The following NFIL3 variants were observed in gnomAD, a reference collection of about 807,000 sequenced individuals.
NFIL3 encodes nuclear factor interleukin-3-regulated protein.
A neutral mutation model predicts 10.0 loss-of-function variants in NFIL3; 5 were observed. The observed-to-expected ratio is 0.50, with a 90% CI of 0.26 to 1.06. The LOEUF is 1.06. Ranked by LOEUF, NFIL3 falls within the 50% of genes least tolerant of loss-of-function variation. NFIL3 has a pLI of 0.13. For missense variants in NFIL3, 436 were observed against 547.6 expected (o/e 0.80, Z 2.03); for synonymous variants, 202 against 206.5 (o/e 0.98, Z 0.19).
chr9:91,433,863 A>G, the NFIL3 span, among the ~76,000 whole-genome samples: 1 of 152,018 alleles, frequency 6.6e-6, no homozygotes, highest in Non-Finnish European at 1.5e-5. Flanking sequence ...TATTTAAAAT[A>G]TACTTGGGAA....
the NFIL3 span, among the ~76,000 whole-genome samples, chr9:91,466,134 T>G: frequency 1.8e-4 from 28 of 152,264 alleles, no homozygotes; most frequent in East Asian, 4.2e-3. Flanking sequence ...AAAGGGAAAT[T>G]GAACCACTAA....
chr9:91,448,557 C>T, the NFIL3 span, among the ~76,000 whole-genome samples: 1 of 152,154 alleles, frequency 6.6e-6, no homozygotes, highest in Non-Finnish European at 1.5e-5. Flanking sequence ...CACTAGGCCC[C>T]ACCTCCCAAC....
chr9:91,414,717 T>C (rs898145180), intron 1 of NFIL3, among the ~76,000 whole-genome samples: 2 of 152,260 alleles, frequency 1.3e-5, no homozygotes, highest in East Asian at 1.9e-4. Flanking sequence ...TAATATTATC[T>C]ATCAAATAAT....
At chr9:91,428,016 C>A (rs184105111), upstream of NFIL3, among the ~76,000 whole-genome samples, 1 of 152,214 alleles carries the variant, frequency 6.6e-6, no homozygotes, top group East Asian at 1.9e-4. Flanking sequence ...CTCCTCCCCA[C>A]GCCCATCAGT....
At chr9:91,451,402 T>G in the NFIL3 span, among the ~76,000 whole-genome samples, 1 of 152,244 alleles carries the variant, frequency 6.6e-6, no homozygotes, top group East Asian at 1.9e-4. Context: ...TCCATGTGTT[T>G]TGATTCTTAT....
chr9:91,423,579 C>G (rs563294984), intron 1 of NFIL3, 61 bp downstream of exon 1: 8 of 148,200 alleles, frequency 5.4e-5, no homozygotes, highest in Non-Finnish European at 1.1e-4. Context: ...CGCCCGCCCG[C>G]CCGCAGCGCG....
chr9:91,441,036 A>T, the NFIL3 span, among the ~76,000 whole-genome samples: 1 of 152,122 alleles, frequency 6.6e-6, no homozygotes, highest in Admixed American at 6.5e-5. Context: ...CTAAAGTGAA[A>T]TTCAAGTCCA....
At chr9:91,419,653 A>G (rs989310841) in intron 1 of NFIL3, among the ~76,000 whole-genome samples, 4 of 152,210 alleles carry the variant, frequency 2.6e-5, no homozygotes, top group African/African-American at 9.6e-5. Context: ...CATCTATGAA[A>G]TGTGGATGAT....
upstream of NFIL3, chr9:91,426,472 G>A (rs533666362): frequency 5.9e-5 from 9 of 152,134 alleles, no homozygotes; most frequent in African/African-American, 2.2e-4. Context: ...ACCAGGGTGG[G>A]GAGGCTTCTA....
At chr9:91,414,541 G>A (rs929548655) in intron 1 of NFIL3, among the ~76,000 whole-genome samples, 5 of 152,234 alleles carry the variant, frequency 3.3e-5, no homozygotes, top group Non-Finnish European at 7.3e-5. Flanking sequence ...TTACAGGCGT[G>A]AGCCACCTCG....
chr9:91,444,528 G>A, the NFIL3 span, among the ~76,000 whole-genome samples: 4 of 151,974 alleles, frequency 2.6e-5, no homozygotes, highest in Admixed American at 6.6e-5. Flanking sequence ...CTGCATTGAC[G>A]TTTGTGCATC....
the NFIL3 span, among the ~76,000 whole-genome samples, chr9:91,457,154 T>G: frequency 6.6e-6 from 1 of 152,074 alleles, no homozygotes; most frequent in Non-Finnish European, 1.5e-5. Flanking sequence ...AAGATAGTGC[T>G]ACTATCCAAA....
At chr9:91,474,984 C>T in the NFIL3 span, among the ~76,000 whole-genome samples, 2 of 152,202 alleles carry the variant, frequency 1.3e-5, no homozygotes, top group Non-Finnish European at 2.9e-5. Context: ...ACTGTACCAT[C>T]CCTGCAAGTT....
At chr9:91,413,027 A>G (rs918404390) in intron 1 of NFIL3, among the ~76,000 whole-genome samples, 1 of 152,172 alleles carries the variant, frequency 6.6e-6, no homozygotes, top group African/African-American at 2.4e-5. Flanking sequence ...TTTCAGGATC[A>G]TAAAGAATAA....
chr9:91,447,966 G>A, the NFIL3 span, among the ~76,000 whole-genome samples: 3 of 152,248 alleles, frequency 2.0e-5, no homozygotes, highest in East Asian at 3.9e-4. Context: ...TTATGGTTTA[G>A]CTCTCATAAT....
the NFIL3 span, among the ~76,000 whole-genome samples, chr9:91,479,777 G>C: frequency 6.6e-6 from 1 of 152,232 alleles, no homozygotes; most frequent in East Asian, 1.9e-4. Context: ...CAGGGCCCTA[G>C]TGGCGTAGGC....
chr9:91,437,467 C>T, the NFIL3 span, among the ~76,000 whole-genome samples: 12 of 152,276 alleles, frequency 7.9e-5, no homozygotes, highest in East Asian at 1.2e-3. Context: ...AGCAGATTAA[C>T]ATATTCGTCA....
At chr9:91,457,311 G>T in the NFIL3 span, among the ~76,000 whole-genome samples, 2 of 151,884 alleles carry the variant, frequency 1.3e-5, no homozygotes, top group African/African-American at 2.4e-5. Flanking sequence ...AATTAGGAGA[G>T]ATTTGCCATT....
chr9:91,425,761 G>T (rs1051652082), upstream of NFIL3, among the ~76,000 whole-genome samples: 1 of 152,238 alleles, frequency 6.6e-6, no homozygotes, highest in Admixed American at 6.5e-5. Context: ...ACAGGCGCAT[G>T]CCACTGTGCC....
Sources: allele counts gnomAD v4.1 joint callset (sites outside exome capture counted in the v4.1 genomes callset), GRCh38; gene constraint gnomAD v4.1.1; transcripts MANE v1.5; gene names NCBI Gene and HGNC (gene_info 2026-07-23, HGNC 2026-07-21).